The following ADGRV1 variants were observed in gnomAD, a reference collection of about 807,000 sequenced individuals.
ADGRV1 encodes the protein adhesion G protein-coupled receptor V1, also known as G-protein coupled receptor 98.
Under a neutral mutation model 596.2 loss-of-function variants are expected in ADGRV1, and 359 were observed. The observed-to-expected ratio is 0.60, with a 90% confidence interval of 0.55 to 0.66. The LOEUF is 0.66. Among genes scored for constraint, ADGRV1 ranks in the 30% least tolerant of loss-of-function variants. The pLI is 0.00. For missense variants in ADGRV1, 7,274 were observed against 7,575.6 expected, an observed-to-expected ratio of 0.96 and a Z score of 1.48; for synonymous variants, 2,681 against 2,679.2, an observed-to-expected ratio of 1.00 and a Z score of -0.02.
At chr5:90,686,062 G>A (rs1443219938) in intron 29 of ADGRV1, 67 bp downstream of exon 29, 10 of 918,838 alleles carry the variant, frequency 1.1e-5, no homozygotes, top group South Asian at 3.7e-5. Flanking sequence ...ATGTATCCTT[G>A]ATTAACACAG....
chr5:90,972,718 T>C (rs1779163495), intron 84 of ADGRV1, among the ~76,000 whole-genome samples: 1 of 151,248 alleles, frequency 6.6e-6, no homozygotes, highest in Non-Finnish European at 1.5e-5. Flanking sequence ...TAGAGGGAAA[T>C]TTATAGCACT....
Position 90,999,163 on chromosome 5 carries a change from T to C in ADGRV1, c.18152+13641T>C, listed in dbSNP as rs953707313. Among the ~76,000 whole-genome samples, 6 of 152,062 alleles carry C rather than the reference T, an allele frequency of 3.9e-5. No homozygotes were observed. The South Asian group carries it at 1.2e-3, about 31-fold the overall frequency. Reference sequence around the variant, plus strand: ...GGGCTATATTATAGCTATTAGCTTTTGTCTCTCCTGAATTTTTATTTCTCT... The same window carrying C: ...GGGCTATATTATAGCTATTAGCTTTCGTCTCTCCTGAATTTTTATTTCTCT... On this transcript the variant is annotated intron_variant, in intron 85 of 89. Coordinates refer to ENST00000405460, the MANE Select transcript of ADGRV1 (RefSeq NM_032119.4).
chr5:90,591,130 G>T (rs1454217488), intron 1 of ADGRV1, among the ~76,000 whole-genome samples: 1 of 152,124 alleles, frequency 6.6e-6, no homozygotes, highest in Non-Finnish European at 1.5e-5. Flanking sequence ...GATGGCTCAT[G>T]CCTGTAATCC....
chr5:91,094,461 T>TAAA (rs533784886), intron 86 of ADGRV1, among the ~76,000 whole-genome samples: 7 of 129,166 alleles, frequency 5.4e-5, no homozygotes, highest in Admixed American at 2.4e-4. Context: ...TCCTTCTATG[T>TAAA]AAAAAAAAAA....
intron 83 of ADGRV1, among the ~76,000 whole-genome samples, chr5:90,866,183 A>G (rs1172759456): frequency 1.3e-5 from 2 of 152,020 alleles, no homozygotes; most frequent in Admixed American, 6.6e-5. Flanking sequence ...GTAGTCCTGG[A>G]CTTCCTTTTG....
At chr5:90,723,020 A>G (rs917951395) in intron 45 of ADGRV1, among the ~76,000 whole-genome samples, 2 of 152,092 alleles carry the variant, frequency 1.3e-5, no homozygotes, top group African/African-American at 2.4e-5. Flanking sequence ...AAAATGGAGG[A>G]AAAAGTAAAC....
chr5:90,700,808 C>A (rs1878881), intron 34 of ADGRV1, among the ~76,000 whole-genome samples: 30,760 of 151,748 alleles, frequency 0.2, 3,825 homozygotes, highest in East Asian at 0.41. Context: ...TTGTTTTATC[C>A]CGTTTTCTTT....
intron 85 of ADGRV1, among the ~76,000 whole-genome samples, chr5:91,013,756 G>C (rs1782919177): frequency 6.6e-6 from 1 of 152,048 alleles, no homozygotes; most frequent in South Asian, 2.1e-4. Context: ...GATTGCTGTT[G>C]TTGTCTTTGT....
chr5:90,683,819 G>T lies in ADGRV1; in HGVS notation c.5898G>T (p.Thr1966=), dbSNP rs754110689. ...CTTTGGGAGCTCATATTAATGCCAC[G>T]TTAACAGTTTTGGCTAGTGATGATC... ...SGSLGAHINA[T]LTVLASDDPY... The change falls in exon 28 of 90, where the codon ACG becomes ACT. Residue 1966 remains threonine, a synonymous_variant. Coordinates refer to ENST00000405460, the MANE Select transcript of ADGRV1 (RefSeq NM_032119.4). 1 of 1,613,760 alleles carries T rather than the reference G, an allele frequency of 6.2e-7. No individual in the cohort carries two copies. Among genetic ancestry groups the T allele is most frequent in the Non-Finnish European group, 8.5e-7 (1 of 1,179,852 alleles).
At chr5:91,064,503 A>T (rs1030294895) in intron 85 of ADGRV1, among the ~76,000 whole-genome samples, 1 of 152,206 alleles carries the variant, frequency 6.6e-6, no homozygotes, top group Non-Finnish European at 1.5e-5. Context: ...TAGTAGTAAT[A>T]CTTAATTAGT....
chr5:90,698,852 C>CAATCAGTTACACTGATTACTCCGT (rs1747539837), intron 34 of ADGRV1, among the ~76,000 whole-genome samples: 1 of 151,956 alleles, frequency 6.6e-6, no homozygotes, highest in Non-Finnish European at 1.5e-5. Flanking sequence ...AGTGTGTTTT[C>CAATCAGTTACACTGATTACTCCGT]AATCAGTTAC....
rs1795920645 is a variant in ADGRV1 at position 91,150,132 on chromosome 5, A to G, written c.18535A>G (p.Thr6179Ala). The G allele has an allele frequency of 1.3e-6, 2 of 1,592,018 alleles. No homozygotes were observed. Among genetic ancestry groups the G allele is most frequent in the African/African-American group, 2.7e-5 (2 of 74,068 alleles). ...AATGAATGGGCATCCTGGACCCAGC[A>G]CAGCCTTTTTCACGCCCGGGAGTGG... ...VEMNGHPGPSTAFFTPGSGMP... is the reference protein window; with the variant it reads ...VEMNGHPGPSAAFFTPGSGMP... The change falls in exon 88 of 90, where the codon ACA becomes GCA. Residue 6179 changes from threonine to alanine, a missense_variant. Physicochemically the swap from Thr to Ala is moderately conservative, Grantham distance 58. This residue lies in a region of ADGRV1 where 1,874 missense variants were observed against 1,970.2 expected (regional missense o/e 0.95). Transcript: ENST00000405460.
intron 87 of ADGRV1, among the ~76,000 whole-genome samples, chr5:91,140,258 A>G (rs1479909791): frequency 6.6e-6 from 1 of 152,160 alleles, no homozygotes; most frequent in African/African-American, 2.4e-5. Flanking sequence ...TTATTATTGG[A>G]ATGGGGTCAT....
At chr5:90,588,010 G>T in intron 1 of ADGRV1, among the ~76,000 whole-genome samples, 1 of 152,028 alleles carries the variant, frequency 6.6e-6, no homozygotes. Context: ...TTACCACTGA[G>T]AATATTTAAT....
At chr5:90,818,666 A>C (rs1763162413) in intron 75 of ADGRV1, among the ~76,000 whole-genome samples, 1 of 149,696 alleles carries the variant, frequency 6.7e-6, no homozygotes, top group Non-Finnish European at 1.5e-5. Context: ...GCATCTATTG[A>C]GATAATCATG....
intron 85 of ADGRV1, among the ~76,000 whole-genome samples, chr5:91,059,378 T>A (rs566726612): frequency 6.6e-6 from 1 of 151,984 alleles, no homozygotes; most frequent in South Asian, 2.1e-4. Context: ...ATTACCAGTA[T>A]TTTTTTTGCA....
At position 90,789,693 on chromosome 5, in the gene ADGRV1, AT is replaced by A; in HGVS notation, c.13894-3del. On this transcript the variant is annotated splice_polypyrimidine_tract_variant and splice_region_variant and intron_variant, in intron 68 of 89. Transcript: ENST00000405460. ...ATAAATTATTTTCTCTGTTGTTTAT[AT>A]TTTTTAGATACAAGAGTTTGGTGAC... The A allele has an allele frequency of 5.3e-6, 8 of 1,508,036 alleles. No individual in the cohort carries two copies. The highest frequency in any genetic ancestry group is 2.0e-5 in the Admixed American group (1 of 50,816). 93.4% of individuals were successfully genotyped at this position (1,508,036 alleles called of 1,614,324 possible).
At chr5:90,771,905 G>A (rs764373823) in intron 59 of ADGRV1, among the ~76,000 whole-genome samples, 4 of 151,922 alleles carry the variant, frequency 2.6e-5, no homozygotes, top group Non-Finnish European at 5.9e-5. Flanking sequence ...TCTAATATTC[G>A]GAATTTATTC....
chr5:90,585,731 C>T (rs1161066042), intron 1 of ADGRV1, among the ~76,000 whole-genome samples: 1 of 152,156 alleles, frequency 6.6e-6, no homozygotes, highest in African/African-American at 2.4e-5. Flanking sequence ...AGAAGCAGTC[C>T]CGCATGTTAG....
Sources: allele counts gnomAD v4.1 joint callset (sites outside exome capture counted in the v4.1 genomes callset), GRCh38; gene constraint gnomAD v4.1.1; regional missense constraint gnomAD v4.1.1; transcripts MANE v1.5; gene names NCBI Gene and HGNC (gene_info 2026-07-23, HGNC 2026-07-21).